The following ZNF761 variants were observed in gnomAD, a reference collection of about 807,000 sequenced individuals.
The protein encoded by ZNF761 is zinc finger protein 761.
Under a neutral mutation model 59.9 loss-of-function variants are expected in ZNF761, and 43 were observed. The ratio of observed to expected loss-of-function variants is 0.72; its 90% CI spans 0.56 to 0.92. The LOEUF is 0.92. Among genes scored for constraint, ZNF761 ranks in the 40% least tolerant of loss-of-function variants. ZNF761 has a pLI of 0.00. For missense variants in ZNF761, 850 were observed against 906.1 expected, an observed-to-expected ratio of 0.94 and a Z score of 0.79; for synonymous variants, 294 against 304.8, an observed-to-expected ratio of 0.96 and a Z score of 0.37.
At chr19:53,445,527 G>T (rs2086147660) in intron 1 of ZNF761, among the ~76,000 whole-genome samples, 1 of 151,920 alleles carries the variant, frequency 6.6e-6, no homozygotes, top group Admixed American at 6.6e-5. Context: ...CTGCAACTTG[G>T]AGATGAGGGG....
In ZNF761 at chr19:53,456,337, G is replaced by A. The variant is rs775918248; in HGVS notation, c.1830G>A (p.Glu610=). The A allele has an allele frequency of 3.8e-5, 62 of 1,611,392 alleles. No individual in the cohort carries two copies. In the Middle Eastern group the frequency reaches 1.2e-3, roughly 30 times the overall value. ...AAGAGAATCCTTACAAGTGTAATGA[G>A]TGTGGCAAGACCTTCAGTCGGACGT... ...HTEENPYKCN[E]CGKTFSRTSS... Residue 610 remains glutamate, a synonymous_variant, in exon 5 of 5, where the codon GAG becomes GAA. Coordinates refer to ENST00000684525, the MANE Select transcript of ZNF761 (RefSeq NM_001289951.2).
At chr19:53,445,667 G>A (rs1053391751) in intron 1 of ZNF761, among the ~76,000 whole-genome samples, 3 of 152,024 alleles carry the variant, frequency 2.0e-5, no homozygotes, top group Non-Finnish European at 4.4e-5. Flanking sequence ...TAAATGGGAT[G>A]CAGTACCCCA....
intron 1 of ZNF761, among the ~76,000 whole-genome samples, chr19:53,437,287 C>A (rs2086052913): frequency 6.6e-6 from 1 of 150,876 alleles, no homozygotes; most frequent in African/African-American, 2.4e-5. Context: ...CACTGCACTC[C>A]AACCTGGGCG....
intron 4 of ZNF761, 61 bp from the exon 5 acceptor site, chr19:53,454,589 A>G: frequency 2.7e-6 from 4 of 1,481,748 alleles, no homozygotes; most frequent in East Asian, 2.3e-5. Flanking sequence ...GTATTTACAC[A>G]TTTCAGCATT....
Position 53,450,214 on chromosome 19 carries a change from G to A in ZNF761, c.142+576G>A, listed in dbSNP as rs1301326126. On this transcript the variant is annotated intron_variant, in intron 4 of 4. Coordinates refer to ENST00000684525, the MANE Select transcript of ZNF761 (RefSeq NM_001289951.2). ...GCTACTTGGGAGGCTGAAGCAGGAGGATCACATGAACCTGGGAATCGGAGG... is the reference window on the plus strand; with the variant it reads ...GCTACTTGGGAGGCTGAAGCAGGAGAATCACATGAACCTGGGAATCGGAGG... 2.8e-5 allele frequency: 5 copies of A among 181,270 alleles called. No individual in the cohort carries two copies. In the South Asian group the frequency reaches 5.8e-4, roughly 21 times the overall value. 11.2% of individuals were successfully genotyped at this position (181,270 alleles called of 1,614,324 possible).
At chr19:53,453,010 T>A (rs912755806) in intron 4 of ZNF761, among the ~76,000 whole-genome samples, 4 of 152,228 alleles carry the variant, frequency 2.6e-5, no homozygotes, top group African/African-American at 9.6e-5. Flanking sequence ...ACATTCTGTG[T>A]TTTATATTTT....
rs778985315 is a variant in ZNF761 at position 53,455,341 on chromosome 19, C to G, written c.834C>G (p.Thr278=). 25 of 1,614,042 alleles carry G rather than the reference C, an allele frequency of 1.5e-5. No homozygotes were observed. Among genetic ancestry groups the G allele is most frequent in the Non-Finnish European group, 1.1e-5 (13 of 1,180,036 alleles). The stretch of plus-strand genomic sequence containing the variant: ...ACAAGTGTAATGAGTGTGGCAAGAC[C>G]TTCAGTCAGACGTCATCCCTTACAT... ...NPYKCNECGK[T]FSQTSSLTCH... Residue 278 remains threonine (T), a synonymous_variant, in exon 5 of 5, where the codon ACC becomes ACG. Coordinates refer to ENST00000684525, the MANE Select transcript of ZNF761 (RefSeq NM_001289951.2).
chr19:53,439,576 G>A (rs1022086960), intron 1 of ZNF761, among the ~76,000 whole-genome samples: 1 of 152,120 alleles, frequency 6.6e-6, no homozygotes, highest in Non-Finnish European at 1.5e-5. Flanking sequence ...ACAAAAGAAA[G>A]AAAGCATCCT....
chr19:53,446,385 A>AT (rs1244210135), intron 2 of ZNF761, 48 bp downstream of exon 2: 2 of 151,362 alleles, frequency 1.3e-5, no homozygotes, highest in African/African-American at 2.4e-5. Flanking sequence ...ATTTTTATAT[A>AT]TTTTTTTATT....
At chr19:53,449,417 A>C (rs1373383542) in intron 3 of ZNF761, 95 bp from the exon 4 acceptor site, 1 of 1,603,338 alleles carries the variant, frequency 6.2e-7, no homozygotes, top group South Asian at 1.1e-5. Flanking sequence ...CATTCACTGC[A>C]TTTAAATCCA....
chr19:53,438,955 G>A (rs575827882), intron 1 of ZNF761, among the ~76,000 whole-genome samples: 1 of 152,308 alleles, frequency 6.6e-6, no homozygotes, highest in East Asian at 1.9e-4. Context: ...AGGCCATGAG[G>A]TCTGAGGCCA....
At position 53,456,111 on chromosome 19, in the gene ZNF761, C is replaced by T. The variant is rs1204506878; in HGVS notation, c.1604C>T (p.Ser535Leu). The T allele has an allele frequency of 2.5e-6, 4 of 1,603,492 alleles. No individual in the cohort carries two copies. The African/African-American group carries it at 5.4e-5, about 21-fold the overall frequency. The change falls in exon 5 of 5, where the codon TCA (serine) becomes TTA (leucine). Residue 535 changes from serine to leucine, a missense_variant. Coordinates refer to ENST00000684525, the MANE Select transcript of ZNF761 (RefSeq NM_001289951.2). ...TGCGGCAAGACCTTTAGTTGGAAGT[C>T]ATCCCTTACCTGCCATCGTAGACTT... ...NECGKTFSWKSSLTCHRRLHS... is the reference protein window; with the variant it reads ...NECGKTFSWKLSLTCHRRLHS...
chr19:53,441,149 G>T (rs960197571), intron 1 of ZNF761, among the ~76,000 whole-genome samples: 2 of 152,142 alleles, frequency 1.3e-5, no homozygotes, highest in Admixed American at 6.5e-5. Flanking sequence ...AGGCATGGTG[G>T]TGTGCACCTG....
At chr19:53,451,749 A>ATTT (rs747022735) in intron 4 of ZNF761, among the ~76,000 whole-genome samples, 1 of 128,466 alleles carries the variant, frequency 7.8e-6, no homozygotes. Context: ...CACCCGGCTA[A>ATTT]TTTTTTTTTT....
intron 1 of ZNF761, among the ~76,000 whole-genome samples, chr19:53,432,577 T>TA (rs750423048): frequency 2.0e-5 from 3 of 152,122 alleles, no homozygotes; most frequent in Non-Finnish European, 4.4e-5. Context: ...CGCGGGGTGT[T>TA]ACTGCCTGCC....
chr19:53,447,506 G>A (rs892835957), intron 3 of ZNF761, among the ~76,000 whole-genome samples: 9 of 152,130 alleles, frequency 5.9e-5, no homozygotes, highest in Non-Finnish European at 8.8e-5. Context: ...CTTGGGAAGG[G>A]CTCACACCCA....
chr19:53,451,638 G>A (rs147514788), intron 4 of ZNF761, among the ~76,000 whole-genome samples: 2,207 of 151,556 alleles, frequency 0.015, 42 homozygotes, highest in African/African-American at 0.046. Flanking sequence ...GCTGGAGTGC[G>A]GTGGTGCGAC....
At chr19:53,450,103 G>C (rs1303479970) in intron 4 of ZNF761, 9 of 313,508 alleles carry the variant, frequency 2.9e-5, no homozygotes, top group East Asian at 5.0e-5. Context: ...AGGCGATCGA[G>C]ACCAGCCCGG....
chr19:53,447,529 G>A (rs1194177196), intron 3 of ZNF761, among the ~76,000 whole-genome samples: 1 of 152,176 alleles, frequency 6.6e-6, no homozygotes, highest in Non-Finnish European at 1.5e-5. Context: ...CATGGATGGA[G>A]ACGGGGTGAG....
Sources: gnomAD v4.1 joint callset for allele counts (sites outside exome capture counted in the v4.1 genomes callset) on GRCh38, gnomAD v4.1.1 for gene constraint, MANE v1.5 for transcripts, NCBI Gene and HGNC (gene_info 2026-07-23, HGNC 2026-07-21) for gene names.